Variants in ADAMTSL3 observed in about 807,000 individuals in gnomAD.
ADAMTSL3 encodes the protein ADAMTS-like protein 3.
A neutral mutation model predicts 201.7 loss-of-function variants in ADAMTSL3; 128 were observed. The observed-to-expected ratio is 0.63, with a 90% CI of 0.55 to 0.73. The LOEUF (loss-of-function observed/expected upper bound fraction) is 0.73, where lower values mean the gene tolerates loss of function less well. ADAMTSL3 is among the 30% of genes least tolerant of loss of function. The pLI is 0.00. For synonymous variants in ADAMTSL3, 738 were observed against 748.4 expected (o/e 0.99, Z 0.23); for missense variants, 1,990 against 2,119.6 (o/e 0.94, Z 1.20).
At chr15:83,864,501 A>C (rs113739462) in intron 8 of ADAMTSL3, among the ~76,000 whole-genome samples, 1 of 152,378 alleles carries the variant, frequency 6.6e-6, no homozygotes, top group Admixed American at 6.5e-5. Flanking sequence ...AAATAGAACC[A>C]AAGACAAAAA....
At chr15:83,891,408 G>A in intron 12 of ADAMTSL3, 29 bp downstream of exon 12, 1 of 1,595,222 alleles carries the variant, frequency 6.3e-7, no homozygotes, top group Non-Finnish European at 8.6e-7. Context: ...TTTCCTTTTT[G>A]CAATTTAAGT....
intron 4 of ADAMTSL3, among the ~76,000 whole-genome samples, chr15:83,793,710 C>G (rs1036672760): frequency 3.3e-5 from 5 of 152,098 alleles, no homozygotes; most frequent in African/African-American, 1.2e-4. Context: ...TTCCTGACCT[C>G]AAGTGATCTG....
chr15:83,782,387 G>T (rs925883074), intron 4 of ADAMTSL3, among the ~76,000 whole-genome samples: 1 of 152,162 alleles, frequency 6.6e-6, no homozygotes, highest in Non-Finnish European at 1.5e-5. Flanking sequence ...TCAAGCAGGA[G>T]AATCTCTTGA....
intron 15 of ADAMTSL3, among the ~76,000 whole-genome samples, chr15:83,901,125 G>A (rs1376933905): frequency 1.3e-5 from 2 of 152,176 alleles, no homozygotes; most frequent in African/African-American, 4.8e-5. Context: ...ACTTCTCCAC[G>A]TGGACCACTG....
intron 2 of ADAMTSL3, among the ~76,000 whole-genome samples, chr15:83,691,834 G>A (rs2061612590): frequency 6.6e-6 from 1 of 152,050 alleles, no homozygotes; most frequent in Non-Finnish European, 1.5e-5. Context: ...TGCTGGTCTC[G>A]AACTCCTGAC....
chr15:83,793,816 C>T (rs2063380897), intron 4 of ADAMTSL3, among the ~76,000 whole-genome samples: 1 of 152,030 alleles, frequency 6.6e-6, no homozygotes, highest in Admixed American at 6.6e-5. Flanking sequence ...AATCAGCTTA[C>T]TTAATATCAA....
chr15:83,976,837 G>A (rs528571475), intron 20 of ADAMTSL3, among the ~76,000 whole-genome samples: 7 of 152,210 alleles, frequency 4.6e-5, no homozygotes, highest in Admixed American at 2.6e-4. Flanking sequence ...CAGGGGGTTC[G>A]GTGGTTGGGG....
intron 3 of ADAMTSL3, among the ~76,000 whole-genome samples, chr15:83,740,460 G>C (rs1471844682): frequency 6.6e-6 from 1 of 152,190 alleles, no homozygotes; most frequent in Non-Finnish European, 1.5e-5. Context: ...GGAAATGAAA[G>C]ATGTAAGAGA....
At chr15:83,655,913 T>C in intron 2 of ADAMTSL3, 83 bp downstream of exon 2, 4 of 1,372,724 alleles carry the variant, frequency 2.9e-6, no homozygotes, top group Non-Finnish European at 3.1e-6. Context: ...ACCTAAGATG[T>C]GGCATGATTA....
chr15:83,830,373 G>A (rs983522143), intron 6 of ADAMTSL3, among the ~76,000 whole-genome samples: 5 of 152,196 alleles, frequency 3.3e-5, no homozygotes, highest in African/African-American at 1.2e-4. Context: ...CTAGCACAGG[G>A]AGAGGTGCCC....
chr15:83,955,146 C>A (rs1473645101), intron 19 of ADAMTSL3, among the ~76,000 whole-genome samples: 3 of 152,204 alleles, frequency 2.0e-5, no homozygotes, highest in Admixed American at 2.0e-4. Flanking sequence ...GAGATACTTT[C>A]TGAGAGCCAG....
At chr15:83,981,386 C>T (rs1194686399) in intron 20 of ADAMTSL3, among the ~76,000 whole-genome samples, 1 of 152,246 alleles carries the variant, frequency 6.6e-6, no homozygotes, top group Non-Finnish European at 1.5e-5. Flanking sequence ...TGTGCATTGG[C>T]TGCACCTGCC....
chr15:83,892,389 G>A (rs561907632), intron 12 of ADAMTSL3, among the ~76,000 whole-genome samples: 32 of 151,626 alleles, frequency 2.1e-4, no homozygotes, highest in Non-Finnish European at 4.1e-4. Flanking sequence ...AATTAGCCGG[G>A]CGTGGTGGCG....
intron 6 of ADAMTSL3, among the ~76,000 whole-genome samples, chr15:83,835,300 GC>G (rs1253533057): frequency 6.6e-6 from 1 of 151,680 alleles, no homozygotes; most frequent in Non-Finnish European, 1.5e-5. Context: ...AAATTCAGTG[GC>G]CCCTCAATTT....
chr15:83,663,146 G>A (rs756593470), intron 2 of ADAMTSL3, among the ~76,000 whole-genome samples: 8 of 152,158 alleles, frequency 5.3e-5, no homozygotes, highest in Non-Finnish European at 1.0e-4. Context: ...GTGAGAAGAC[G>A]GAATGCTTCA....
intron 21 of ADAMTSL3, among the ~76,000 whole-genome samples, chr15:83,987,617 G>T (rs987012394): frequency 6.6e-6 from 1 of 152,166 alleles, no homozygotes; most frequent in African/African-American, 2.4e-5. Flanking sequence ...TCAGTGGGCG[G>T]GTCTGAGTTT....
At chr15:83,763,028 A>G (rs1376326030) in intron 3 of ADAMTSL3, among the ~76,000 whole-genome samples, 1 of 152,112 alleles carries the variant, frequency 6.6e-6, no homozygotes, top group Non-Finnish European at 1.5e-5. Flanking sequence ...CTGGGACTAC[A>G]AGTGCACACC....
intron 27 of ADAMTSL3, 72 bp from the exon 28 acceptor site, chr15:84,031,263 G>C: frequency 6.9e-7 from 1 of 1,459,530 alleles, no homozygotes; most frequent in Admixed American, 1.7e-5. Context: ...TCCTGCCTCA[G>C]TACATGATCT....
In ADAMTSL3 at chr15:83,777,214, T is replaced by C. The variant is rs983876501; in HGVS notation, c.317+3564T>C. On this transcript the variant is annotated intron_variant, in intron 4 of 29. Coordinates refer to ENST00000286744, the MANE Select transcript of ADAMTSL3 (RefSeq NM_207517.3). ...ACCCCTAGCTGCACTGCCTCTGCCA[T>C]TGTGGTGAATGCCTACAGAGAGGCA... 2.6e-5 allele frequency among the ~76,000 whole-genome samples: 4 copies of C among 152,278 alleles called. No individual in the cohort carries two copies. The South Asian group carries it at 8.3e-4, about 32-fold the overall frequency.
Sources: allele counts gnomAD v4.1 joint callset (sites outside exome capture counted in the v4.1 genomes callset), GRCh38; gene constraint gnomAD v4.1.1; transcripts MANE v1.5; gene names NCBI Gene and HGNC (gene_info 2026-07-23, HGNC 2026-07-21).